KIAA0825: variants seen among roughly 807,000 people sequenced by gnomAD.
KIAA0825 encodes the protein KIAA0825.
Under a neutral mutation model 147.6 loss-of-function variants are expected in KIAA0825, and 119 were observed. The observed-to-expected ratio is 0.81, with a 90% CI of 0.69 to 0.94. KIAA0825 has a LOEUF of 0.94. Among genes scored for constraint, KIAA0825 ranks in the 40% least tolerant of loss-of-function variants. The pLI is 0.00. For synonymous variants in KIAA0825, 470 were observed against 518.1 expected, an observed-to-expected ratio of 0.91 and a Z score of 1.26; for missense variants, 1,381 against 1,472.7, an observed-to-expected ratio of 0.94 and a Z score of 1.02.
chr5:94,160,745 TA>T (rs1042162888), intron 20 of KIAA0825, among the ~76,000 whole-genome samples: 15 of 151,714 alleles, frequency 9.9e-5, no homozygotes, highest in Non-Finnish European at 1.8e-4. Flanking sequence ...AACTGACCAT[TA>T]CCCCCTTCTC....
At chr5:94,574,988 G>A (rs527349883) in intron 2 of KIAA0825, among the ~76,000 whole-genome samples, 3 of 152,270 alleles carry the variant, frequency 2.0e-5, no homozygotes, top group Admixed American at 1.3e-4. Flanking sequence ...TCAACTGGGG[G>A]CCCTTGTAAT....
chr5:94,465,717 A>T (rs1187617367), intron 10 of KIAA0825, among the ~76,000 whole-genome samples: 3 of 152,208 alleles, frequency 2.0e-5, no homozygotes, highest in Non-Finnish European at 4.4e-5. Context: ...ATTTCTTAGT[A>T]TTTTTATGAC....
At chr5:94,359,064 C>G (rs29960) in intron 20 of KIAA0825, among the ~76,000 whole-genome samples, 29,844 of 152,160 alleles carry the variant, frequency 0.2, 3,439 homozygotes, top group Middle Eastern at 0.26. Context: ...TATTTTAAGA[C>G]TTACCTGAAT....
At chr5:94,185,041 G>A (rs1249644109) in intron 20 of KIAA0825, among the ~76,000 whole-genome samples, 1 of 152,138 alleles carries the variant, frequency 6.6e-6, no homozygotes, top group Admixed American at 6.5e-5. Context: ...CATCTAATCA[G>A]GCTGGGGCTC....
At chr5:94,415,073 A>G (rs1753272725) in intron 15 of KIAA0825, 1 of 152,132 alleles carries the variant, frequency 6.6e-6, no homozygotes, top group Non-Finnish European at 1.5e-5. Flanking sequence ...GTCTTGTCCA[A>G]CTTAATTGGT....
chr5:94,310,813 A>G (rs557345791), intron 20 of KIAA0825, among the ~76,000 whole-genome samples: 3 of 151,844 alleles, frequency 2.0e-5, no homozygotes, highest in African/African-American at 7.2e-5. Flanking sequence ...TATATAATGA[A>G]AGTGAAGGCT....
intron 20 of KIAA0825, among the ~76,000 whole-genome samples, chr5:94,178,092 A>G (rs141189644): frequency 2.0e-5 from 3 of 152,006 alleles, no homozygotes. Context: ...GCTGTTATTC[A>G]TATAAGATTT....
intron 2 of KIAA0825, among the ~76,000 whole-genome samples, chr5:94,578,416 C>T (rs143797451): frequency 3.5e-4 from 54 of 152,256 alleles, no homozygotes; most frequent in African/African-American, 1.2e-3. Flanking sequence ...CAGCCTGTCT[C>T]CAGAATCTAC....
At chr5:94,561,960 C>T (rs1048609449) in intron 2 of KIAA0825, among the ~76,000 whole-genome samples, 3 of 152,126 alleles carry the variant, frequency 2.0e-5, no homozygotes, top group South Asian at 2.1e-4. Flanking sequence ...AAGTCACCTA[C>T]GAATGTGGCT....
intron 20 of KIAA0825, among the ~76,000 whole-genome samples, chr5:94,344,071 T>G: frequency 6.6e-6 from 1 of 152,212 alleles, no homozygotes; most frequent in East Asian, 1.9e-4. Flanking sequence ...GTTGAACATA[T>G]GCCTACCCTG....
intron 5 of KIAA0825, among the ~76,000 whole-genome samples, chr5:94,508,866 T>A (rs566080787): frequency 6.6e-6 from 1 of 152,334 alleles, no homozygotes; most frequent in East Asian, 1.9e-4. Context: ...GAATTGCATG[T>A]GTCTGACACG....
intron 20 of KIAA0825, among the ~76,000 whole-genome samples, chr5:94,169,895 A>G (rs947993699): frequency 6.6e-6 from 1 of 152,148 alleles, no homozygotes; most frequent in Admixed American, 6.6e-5. Context: ...AACTATTATT[A>G]TTGCTACAGA....
intron 10 of KIAA0825, among the ~76,000 whole-genome samples, chr5:94,467,324 AAAC>A (rs1267951329): frequency 6.6e-6 from 1 of 152,226 alleles, no homozygotes; most frequent in Non-Finnish European, 1.5e-5. Context: ...TTCTGCTAGT[AAAC>A]ATCTGTTATT....
In KIAA0825 at chr5:94,464,890, C is replaced by G. The variant is rs145267585; in HGVS notation, c.2042G>C (p.Arg681Pro). The change falls in exon 11 of 21, where the codon CGT (arginine) becomes CCT (proline). Residue 681 changes from arginine (R) to proline (P), a missense_variant. Transcript: ENST00000682413. ...ASRYARAHPSRKRTPQLRLDV... is the reference protein window; with the variant it reads ...ASRYARAHPSPKRTPQLRLDV... Reference sequence around the variant, plus strand: ...TTACCTTAACTGTGGAGTTCTTTTACGGCTGGGGTGGGCCCGAGCGTATCT... The same window carrying G: ...TTACCTTAACTGTGGAGTTCTTTTAGGGCTGGGGTGGGCCCGAGCGTATCT... The G allele has an allele frequency of 1.4e-4, 218 of 1,550,876 alleles. 1 individual carries two copies. The South Asian group carries it at 2.4e-3, about 17-fold the overall frequency.
chr5:94,508,616 C>T (rs1289062415), intron 5 of KIAA0825, among the ~76,000 whole-genome samples: 1 of 152,176 alleles, frequency 6.6e-6, no homozygotes, highest in African/African-American at 2.4e-5. Context: ...GTGCTGTTTA[C>T]AAAACAGAAC....
rs115911089 is a variant in KIAA0825 at position 94,192,989 on chromosome 5, T to C, written c.3711-38865A>G. Reference sequence around the variant, plus strand: ...TCATTTTTGCAGTGATCAAATTTTGTTACATGAATGCTAGCCTCAGTTGAT... The same window carrying C: ...TCATTTTTGCAGTGATCAAATTTTGCTACATGAATGCTAGCCTCAGTTGAT... On this transcript the variant is annotated intron_variant, in intron 20 of 20. Coordinates refer to ENST00000682413, the MANE Select transcript of KIAA0825 (RefSeq NM_001145678.3). Among the ~76,000 whole-genome samples the C allele has an allele frequency of 6.3e-4, 96 of 152,352 alleles. 1 individual carries two copies. Among genetic ancestry groups the C allele is most frequent in the African/African-American group, 2.3e-3 (94 of 41,584 alleles).
chr5:94,260,039 A>G (rs921902362), intron 20 of KIAA0825, among the ~76,000 whole-genome samples: 5 of 152,018 alleles, frequency 3.3e-5, no homozygotes, highest in Non-Finnish European at 7.4e-5. Flanking sequence ...AAACTCAAAG[A>G]TTTTCTTCCT....
chr5:94,564,381 AATTT>A (rs1427070083), intron 2 of KIAA0825, among the ~76,000 whole-genome samples: 6 of 120,506 alleles, frequency 5.0e-5, no homozygotes, highest in Admixed American at 1.6e-4. Context: ...CTAATTTTTG[AATTT>A]GTGTGTGTGT....
intron 2 of KIAA0825, among the ~76,000 whole-genome samples, chr5:94,540,345 C>T (rs1188891293): frequency 2.0e-5 from 3 of 152,142 alleles, no homozygotes; most frequent in Non-Finnish European, 2.9e-5. Flanking sequence ...TTCAAGATGG[C>T]CCAGCAAACT....
Sources: allele counts gnomAD v4.1 joint callset (sites outside exome capture counted in the v4.1 genomes callset), GRCh38; gene constraint gnomAD v4.1.1; transcripts MANE v1.5; gene names NCBI Gene and HGNC (gene_info 2026-07-23, HGNC 2026-07-21).